Variants in DSCAML1 observed in about 807,000 individuals in gnomAD.
The protein encoded by DSCAML1 is DS cell adhesion molecule like 1.
A neutral mutation model predicts 200.5 loss-of-function variants in DSCAML1; 38 were observed. That is an observed-to-expected ratio of 0.19 (90% CI 0.15 to 0.25). The LOEUF is 0.25. DSCAML1 is among the 10% of genes least tolerant of loss of function. The pLI is 1.00. For synonymous variants in DSCAML1, 1,215 were observed against 1,165.0 expected (o/e 1.04, Z -0.87); for missense variants, 2,223 against 2,858.8 (o/e 0.78, Z 5.07).
chr11:117,448,684 A>G lies in DSCAML1; in HGVS notation c.3708+1865T>C, dbSNP rs920676548. 1.5e-4 allele frequency among the ~76,000 whole-genome samples: 23 copies of G among 152,170 alleles called. 1 individual carries two copies. The highest frequency in any genetic ancestry group is 1.1e-3 in the Admixed American group (17 of 15,282). On this transcript the variant is annotated intron_variant, in intron 20 of 32. Coordinates refer to ENST00000651296, the MANE Select transcript of DSCAML1 (RefSeq NM_020693.4). ...GGGAGACGGGAAAACAGAGCAGGACACATGGCTGAAAGCATTGCCCAAAAC... is the reference window on the plus strand; with the variant it reads ...GGGAGACGGGAAAACAGAGCAGGACGCATGGCTGAAAGCATTGCCCAAAAC...
chr11:117,626,530 G>A (rs1466545577), intron 3 of DSCAML1, among the ~76,000 whole-genome samples: 3 of 152,130 alleles, frequency 2.0e-5, no homozygotes, highest in South Asian at 4.1e-4. Context: ...TCGCTTCACT[G>A]GGGCAGTCAT....
chr11:117,779,937 G>A (rs943667429), intron 2 of DSCAML1, among the ~76,000 whole-genome samples: 18 of 151,926 alleles, frequency 1.2e-4, no homozygotes, highest in South Asian at 4.2e-4. Context: ...ACCTCACTGC[G>A]GGTTTTCTAT....
At chr11:117,472,427 C>T (rs1414903695) in intron 14 of DSCAML1, among the ~76,000 whole-genome samples, 2 of 152,214 alleles carry the variant, frequency 1.3e-5, no homozygotes, top group African/African-American at 2.4e-5. Flanking sequence ...ACCCCATTTA[C>T]CCAGTGGCCC....
At chr11:117,500,749 A>C (rs1441615258) in intron 11 of DSCAML1, among the ~76,000 whole-genome samples, 2 of 151,986 alleles carry the variant, frequency 1.3e-5, no homozygotes, top group African/African-American at 2.4e-5. Flanking sequence ...TGGTATAGAC[A>C]CTCCCCATTA....
chr11:117,566,327 C>G (rs922915891), intron 3 of DSCAML1, among the ~76,000 whole-genome samples: 1 of 150,068 alleles, frequency 6.7e-6, no homozygotes, highest in Non-Finnish European at 1.5e-5. Flanking sequence ...CTCTCTTTCT[C>G]CCTTTCTTTT....
In DSCAML1 at chr11:117,437,462, A is replaced by AATGGG; in HGVS notation, c.4433-54_4433-53insCCCAT. ...TTAGAGAGATTTGGTGGGAGGCAGG[A>AATGGG]CTGGACTGGGCTGGGCTGGAAAGGA... On this transcript the variant is annotated intron_variant, in intron 25 of 32. Transcript: ENST00000651296. This position sits in a 1 kb window ranked among gnomAD's most constrained non-coding sequence, Gnocchi z 5.3. 2 of 1,482,526 alleles carry AATGGG rather than the reference A, an allele frequency of 1.3e-6. No individual in the cohort carries two copies. The highest frequency in any genetic ancestry group is 1.9e-6 in the Non-Finnish European group (2 of 1,081,076). The allele number at this position is 1,482,526 out of a possible 1,614,324, so 91.8% of individuals were successfully genotyped here.
intron 3 of DSCAML1, among the ~76,000 whole-genome samples, chr11:117,732,041 C>T (rs1015524902): frequency 6.6e-6 from 1 of 152,148 alleles, no homozygotes; most frequent in African/African-American, 2.4e-5. Context: ...GCCCTACTGT[C>T]CTCCAGGAGT....
At chr11:117,432,556 C>T (rs1410465573) in intron 29 of DSCAML1, 52 bp from the exon 30 acceptor site, 25 of 1,561,604 alleles carry the variant, frequency 1.6e-5, no homozygotes, top group Non-Finnish European at 2.2e-5. Flanking sequence ...TTTTTTAAAG[C>T]TCTTTTGGAT....
At chr11:117,618,576 A>C (rs2051860380) in intron 3 of DSCAML1, among the ~76,000 whole-genome samples, 1 of 152,158 alleles carries the variant, frequency 6.6e-6, no homozygotes, top group African/African-American at 2.4e-5. Flanking sequence ...ATCCATCAGA[A>C]TAGTGCTGCA....
chr11:117,776,254 G>A (rs925234068), intron 3 of DSCAML1, among the ~76,000 whole-genome samples: 2 of 152,102 alleles, frequency 1.3e-5, no homozygotes, highest in African/African-American at 2.4e-5. Flanking sequence ...GCCTCAATGC[G>A]AGGCCAGCTA....
At chr11:117,654,041 T>C (rs1398470796) in intron 3 of DSCAML1, among the ~76,000 whole-genome samples, 1 of 152,180 alleles carries the variant, frequency 6.6e-6, no homozygotes. Context: ...AAAAAAGTAC[T>C]GATATAGATA....
At chr11:117,465,923 C>T (rs1317712067) in intron 16 of DSCAML1, among the ~76,000 whole-genome samples, 4 of 152,132 alleles carry the variant, frequency 2.6e-5, no homozygotes, top group South Asian at 2.1e-4. Context: ...TCCATTAGGA[C>T]GGCTCTTATA....
At chr11:117,534,262 C>A (rs1426845315) in intron 3 of DSCAML1, among the ~76,000 whole-genome samples, 2 of 152,228 alleles carry the variant, frequency 1.3e-5, no homozygotes, top group Non-Finnish European at 2.9e-5. Flanking sequence ...AGGTGGGGAC[C>A]TCACCGTAGG....
At chr11:117,439,698 C>G (rs1305235013) in intron 22 of DSCAML1, 121 bp downstream of exon 22, 2 of 977,916 alleles carry the variant, frequency 2.0e-6, no homozygotes, top group South Asian at 1.5e-5. Context: ...CCTGCAGGGC[C>G]TCTGCAGGCC....
chr11:117,668,027 A>G (rs1302755089), intron 3 of DSCAML1, among the ~76,000 whole-genome samples: 1 of 152,252 alleles, frequency 6.6e-6, no homozygotes, highest in Non-Finnish European at 1.5e-5. Flanking sequence ...ATTATTATGC[A>G]CTGAGGGTTT....
intron 3 of DSCAML1, among the ~76,000 whole-genome samples, chr11:117,563,108 C>T (rs1314235280): frequency 2.0e-5 from 3 of 152,190 alleles, no homozygotes; most frequent in African/African-American, 7.2e-5. Flanking sequence ...AGCACCAAGG[C>T]CATTTCCTAG....
chr11:117,804,958 A>G (rs2055697156), intron 1 of DSCAML1, among the ~76,000 whole-genome samples: 1 of 152,142 alleles, frequency 6.6e-6, no homozygotes, highest in Non-Finnish European at 1.5e-5. Context: ...TTAAAACAGA[A>G]TAGACTCATG....
chr11:117,498,391 C>T lies in DSCAML1; in HGVS notation c.2359+5454G>A, dbSNP rs987477186. 2.0e-5 allele frequency among the ~76,000 whole-genome samples: 3 copies of T among 152,168 alleles called. No homozygotes were observed. The highest frequency in any genetic ancestry group is 7.2e-5 in the African/African-American group (3 of 41,432). On this transcript the variant is annotated intron_variant, in intron 11 of 32. Coordinates refer to ENST00000651296, the MANE Select transcript of DSCAML1 (RefSeq NM_020693.4). The surrounding 1 kb of genome is among the most constrained non-coding windows in gnomAD (Gnocchi z 4.0). ...TGGGAGGACAGTCTGTGGAGGAGCC[C>T]TCGGGAGGTCCTGGAAGCAGGGAAT...
At chr11:117,808,953 C>T (rs934087614) in intron 1 of DSCAML1, among the ~76,000 whole-genome samples, 8 of 152,202 alleles carry the variant, frequency 5.3e-5, no homozygotes, top group Non-Finnish European at 8.8e-5. Flanking sequence ...GGCTCCGAGA[C>T]ACTAAAGGAC....
Sources: gnomAD v4.1 joint callset for allele counts (sites outside exome capture counted in the v4.1 genomes callset) on GRCh38, gnomAD v4.1.1 for gene constraint, Gnocchi (gnomAD v3.1) non-coding constraint, MANE v1.5 for transcripts, NCBI Gene and HGNC (gene_info 2026-07-23, HGNC 2026-07-21) for gene names.